Variants in GPR179 observed in about 807,000 individuals in gnomAD.
GPR179 encodes the protein G protein-coupled receptor 179.
Under a neutral mutation model 70.8 loss-of-function variants are expected in GPR179, and 52 were observed. The observed-to-expected ratio is 0.73, with a 90% CI of 0.59 to 0.93. GPR179 has a LOEUF of 0.93. GPR179 is among the 40% of genes least tolerant of loss of function. The probability of loss-of-function intolerance (pLI) is 0.00; values close to 1 mark genes in which losing one functional copy is unlikely to be tolerated. For synonymous variants in GPR179, 1,123 were observed against 1,169.0 expected (o/e 0.96, Z 0.80); for missense variants, 2,734 against 2,966.8 (o/e 0.92, Z 1.82).
rs1397355177 is a variant in GPR179 at position 38,335,643 on chromosome 17, G to A, written c.1354C>T (p.Arg452Trp). The A allele has an allele frequency of 3.1e-6, 5 of 1,613,964 alleles. No homozygotes were observed. The highest frequency in any genetic ancestry group is 2.2e-5 in the East Asian group (1 of 44,900). Residue 452 changes from arginine to tryptophan, a missense_variant, in exon 6 of 11, where the codon CGG (arginine) becomes TGG (tryptophan). Arg to Trp is a moderately radical substitution (Grantham distance 101). Coordinates refer to ENST00000616987, the MANE Select transcript of GPR179 (RefSeq NM_001004334.4). ...VFRCIALRWV[R>W]LLGFAIVYGT... is the part of the protein sequence containing the mutation. ...TAGACGATGGCAAAACCCAGCAGCCGCACCCAGCGAAGAGCGATGCAGCGG... is the reference window on the plus strand; with the variant it reads ...TAGACGATGGCAAAACCCAGCAGCCACACCCAGCGAAGAGCGATGCAGCGG...
chr17:38,328,520 G>T lies in GPR179; in HGVS notation c.5049C>A (p.Ser1683Arg), dbSNP rs1385585550. 4 of 1,613,182 alleles carry T rather than the reference G, an allele frequency of 2.5e-6. No individual in the cohort carries two copies. The highest frequency in any genetic ancestry group is 3.4e-6 in the Non-Finnish European group (4 of 1,179,816). Residue 1683 changes from serine (S) to arginine (R), a missense_variant, in exon 11 of 11, where the codon AGC becomes AGA. Physicochemically the swap from Ser to Arg is moderately radical, Grantham distance 110. Transcript: ENST00000616987. ...TLLQMSGSVGSKAADICPLDV... is the reference protein window; with the variant it reads ...TLLQMSGSVGRKAADICPLDV... ...CCAAAGGGCAAATGTCGGCAGCTTT[G>T]CTTCCCACACTGCCTGACATCTGGA...
At chr17:38,340,928 CACAAACAA>C (rs138912325) in intron 1 of GPR179, among the ~76,000 whole-genome samples, 3 of 152,084 alleles carry the variant, frequency 2.0e-5, no homozygotes, top group African/African-American at 7.3e-5. Context: ...AAAACAAACA[CACAAACAA>C]ACAAACAAAC....
At position 38,335,581 on chromosome 17, in the gene GPR179, C is replaced by T; in HGVS notation, c.1406+10G>A. 6.3e-7 allele frequency: 1 copy of T among 1,591,200 alleles called. No individual in the cohort carries two copies. The highest frequency in any genetic ancestry group is 1.7e-5 in the Admixed American group (1 of 59,980). On this transcript the variant is annotated intron_variant, in intron 6 of 10. Transcript: ENST00000616987. ...AGCAGCATGAGAGCAAAGTCTGCCCCAGGCCGTACCTGTAAAGCTTGAGTA... is the reference window on the plus strand; with the variant it reads ...AGCAGCATGAGAGCAAAGTCTGCCCTAGGCCGTACCTGTAAAGCTTGAGTA...
intron 1 of GPR179, among the ~76,000 whole-genome samples, chr17:38,341,837 G>A (rs969098749): frequency 7.2e-5 from 11 of 152,154 alleles, no homozygotes; most frequent in South Asian, 2.1e-4. Flanking sequence ...TTTTCCTTCC[G>A]CTGGGTGTGG....
intron 2 of GPR179, among the ~76,000 whole-genome samples, chr17:38,338,750 A>G (rs991102819): frequency 1.3e-5 from 2 of 152,220 alleles, no homozygotes; most frequent in Non-Finnish European, 2.9e-5. Context: ...ACAAGCATGC[A>G]GTGATTGTAA....
In GPR179 at chr17:38,331,435, A is replaced by G. The variant is rs780395659; in HGVS notation, c.2134T>C (p.Cys712Arg). 2 of 1,614,168 alleles carry G rather than the reference A, an allele frequency of 1.2e-6. No homozygotes were observed. ...PHLPKKRGSS[C>R]QGLGRSFMRY... ...ATGAAGGAGCGGCCCAGTCCCTGGC[A>G]TGAGCTGCCTCGCTTCTTGGGCAGG... is the stretch of plus-strand genomic sequence containing the variant. Residue 712 changes from cysteine to arginine, a missense_variant, in exon 11 of 11, where the codon TGC (cysteine) becomes CGC (arginine). By Grantham distance (180) the Cys-to-Arg change is radical (BLOSUM62 -3). Transcript: ENST00000616987.
chr17:38,332,969 C>T (rs923872783), intron 10 of GPR179, among the ~76,000 whole-genome samples: 2 of 152,196 alleles, frequency 1.3e-5, no homozygotes, highest in African/African-American at 2.4e-5. Context: ...GTGGAGGATG[C>T]GAAGGAGTAG....
chr17:38,331,335 C>T lies in GPR179; in HGVS notation c.2234G>A (p.Ser745Asn). ...CCGGCGGCGGGAGGAGCCGGGCAGG[C>T]TGCCGTGGCCTGGGGATCCTGAGTC... ...SRDSGSPGHG[S>N]LPGSSRRRLL... The change falls in exon 11 of 11, where the codon AGC (serine) becomes AAC (asparagine). Residue 745 changes from serine (S) to asparagine (N), a missense_variant. Coordinates refer to ENST00000616987, the MANE Select transcript of GPR179 (RefSeq NM_001004334.4). 1 of 1,610,246 alleles carries T rather than the reference C, an allele frequency of 6.2e-7. No individual in the cohort carries two copies. The highest frequency in any genetic ancestry group is 8.5e-7 in the Non-Finnish European group (1 of 1,178,758).
chr17:38,336,948 T>A, intron 4 of GPR179, 30 bp downstream of exon 4: 1 of 1,551,914 alleles, frequency 6.4e-7, no homozygotes, highest in Non-Finnish European at 8.7e-7. Flanking sequence ...GGGTCGGACA[T>A]GTGTGTAGGA....
rs1271472806 is a variant in GPR179, at chr17:38,326,488, C to G, written c.7081G>C (p.Val2361Leu). Reference protein sequence around the residue: ...AQYEEFTPPTVYPWDWE With the variant: ...AQYEEFTPPTLYPWDWE Reference sequence around the variant, plus strand: ...TGTTACTCCCAATCCCAAGGATAGACAGTGGGAGGGGTGAATTCTTCATAC... The same window carrying G: ...TGTTACTCCCAATCCCAAGGATAGAGAGTGGGAGGGGTGAATTCTTCATAC... Residue 2361 changes from valine to leucine, a missense_variant, in exon 11 of 11, where the codon GTC becomes CTC. Physicochemically the swap from Val to Leu is conservative, Grantham distance 32. Transcript: ENST00000616987. 2.5e-6 allele frequency: 4 copies of G among 1,609,840 alleles called. No homozygotes were observed. Among genetic ancestry groups the G allele is most frequent in the Middle Eastern group, 1.7e-4 (1 of 6,038 alleles).
chr17:38,327,429 C>G lies in GPR179; in HGVS notation c.6140G>C (p.Arg2047Thr). 3.1e-6 allele frequency: 5 copies of G among 1,614,226 alleles called. No individual in the cohort carries two copies. The highest frequency in any genetic ancestry group is 4.2e-6 in the Non-Finnish European group (5 of 1,180,046). ...TTTTGGCTCTGATTTTTCTGGGGCTCTGCCTTTCTCTTCTTGAGAGTCCCC... is the reference window on the plus strand; with the variant it reads ...TTTTGGCTCTGATTTTTCTGGGGCTGTGCCTTTCTCTTCTTGAGAGTCCCC... ...GKGDSQEEKG[R>T]APEKSEPKGV... The change falls in exon 11 of 11, where the codon AGA becomes ACA. Residue 2047 changes from arginine (R) to threonine (T), a missense_variant. Transcript: ENST00000616987.
chr17:38,335,957 A>G, intron 5 of GPR179, 119 bp downstream of exon 5: 1 of 805,474 alleles, frequency 1.2e-6, no homozygotes, highest in Non-Finnish European at 2.2e-6. Context: ...GAGTAGGGGA[A>G]ATCTGTGGTC....
chr17:38,335,995 G>T, intron 5 of GPR179, 81 bp downstream of exon 5: 1 of 982,622 alleles, frequency 1.0e-6, no homozygotes, highest in Non-Finnish European at 1.7e-6. Flanking sequence ...GGGCAGAGAA[G>T]GGTTCTGGGG....
intron 10 of GPR179, 104 bp from the exon 11 acceptor site, chr17:38,331,635 C>A (rs1261985891): frequency 6.7e-7 from 1 of 1,493,652 alleles, no homozygotes; most frequent in African/African-American, 1.4e-5. Context: ...TTAGGGATCT[C>A]TTTCCATCAA....
chr17:38,333,194 C>T (rs1597665761), intron 10 of GPR179, 57 bp downstream of exon 10: 2 of 1,544,370 alleles, frequency 1.3e-6, no homozygotes, highest in East Asian at 2.3e-5. Flanking sequence ...CCCAGTCCTC[C>T]CTCTGCCCAG....
Position 38,326,445 on chromosome 17 carries a change from G to C in GPR179, c.*20C>G. ...GCTCCTGAAAGCTAGCTCTGTGTTTGACCTCACCTAATAAGGCTGTTACTC... is the reference window on the plus strand; with the variant it reads ...GCTCCTGAAAGCTAGCTCTGTGTTTCACCTCACCTAATAAGGCTGTTACTC... On this transcript the variant is annotated 3_prime_UTR_variant, in exon 11 of 11. Coordinates refer to ENST00000616987, the MANE Select transcript of GPR179 (RefSeq NM_001004334.4). 1 of 1,555,162 alleles carries C rather than the reference G, an allele frequency of 6.4e-7. No homozygotes were observed. Among genetic ancestry groups the C allele is most frequent in the East Asian group, 2.3e-5 (1 of 44,308 alleles).
rs1447672616 is a variant in GPR179 at position 38,331,009 on chromosome 17, C to T, written c.2560G>A (p.Ala854Thr). The T allele has an allele frequency of 6.2e-7, 1 of 1,611,206 alleles. No individual in the cohort carries two copies. The change falls in exon 11 of 11, where the codon GCC becomes ACC. Residue 854 changes from alanine (A) to threonine (T), a missense_variant. Coordinates refer to ENST00000616987, the MANE Select transcript of GPR179 (RefSeq NM_001004334.4). Reference sequence around the variant, plus strand: ...GTCTCCTCCAGGTAGGCCTGGCTGGCCATGAGCAAGGCCTTTTCCCTGGAG... The same window carrying T: ...GTCTCCTCCAGGTAGGCCTGGCTGGTCATGAGCAAGGCCTTTTCCCTGGAG... ...ASSREKALLMASQAYLEETYR... is the reference protein window; with the variant it reads ...ASSREKALLMTSQAYLEETYR...
rs199991725 is a variant in GPR179 at position 38,328,859 on chromosome 17, C to T, written c.4710G>A (p.Thr1570=). 1.0e-4 allele frequency: 161 copies of T among 1,613,552 alleles called. No individual in the cohort carries two copies. Among genetic ancestry groups the T allele is most frequent in the Non-Finnish European group, 1.1e-4 (129 of 1,179,904 alleles). ...TGAGATCTTCCTGTGGACACACCTG[C>T]GTTGCTCTGCTTCCTCCATTGCATA... is the stretch of plus-strand genomic sequence containing the variant. The part of the protein sequence containing the change: ...QFLCNGGSRA[T]QVCPQEDLRP... Residue 1570 remains threonine (T), a synonymous_variant, in exon 11 of 11, where the codon ACG becomes ACA. Coordinates refer to ENST00000616987, the MANE Select transcript of GPR179 (RefSeq NM_001004334.4).
In GPR179 at chr17:38,326,853, G is replaced by A. The variant is rs774350659; in HGVS notation, c.6716C>T (p.Ala2239Val). 5.3e-5 allele frequency: 86 copies of A among 1,614,228 alleles called. No homozygotes were observed. The highest frequency in any genetic ancestry group is 7.1e-5 in the Non-Finnish European group (84 of 1,180,040). The part of the protein sequence containing the change: ...PEGNKIKGTM[A>V]DICPGEETGV... Reference sequence around the variant, plus strand: ...AGTTTCCTCCCCAGGACAGATGTCTGCCATGGTACCCTTTATTTTATTTCC... The same window carrying A: ...AGTTTCCTCCCCAGGACAGATGTCTACCATGGTACCCTTTATTTTATTTCC... Residue 2239 changes from alanine (A) to valine (V), a missense_variant, in exon 11 of 11, where the codon GCA becomes GTA. Physicochemically the swap from Ala to Val is moderately conservative, Grantham distance 64. Transcript: ENST00000616987.
Sources: gnomAD v4.1 joint callset for allele counts (sites outside exome capture counted in the v4.1 genomes callset) on GRCh38, gnomAD v4.1.1 for gene constraint, MANE v1.5 for transcripts, NCBI Gene and HGNC (gene_info 2026-07-23, HGNC 2026-07-21) for gene names.